Variants in DHX36 observed in about 807,000 individuals in gnomAD.
The protein encoded by DHX36 is DEAH-box helicase 36, also known as ATP-dependent DNA/RNA helicase DHX36.
A neutral mutation model predicts 139.0 loss-of-function variants in DHX36; 50 were observed. That is an observed-to-expected ratio of 0.36 (90% confidence interval 0.29 to 0.46). The LOEUF (loss-of-function observed/expected upper bound fraction) is 0.46, where lower values mean the gene tolerates loss of function less well. Ranked by LOEUF, DHX36 falls within the 20% of genes least tolerant of loss-of-function variation. DHX36 has a pLI of 1.00. For synonymous variants in DHX36, 425 were observed against 401.9 expected (o/e 1.06, Z -0.69); for missense variants, 1,024 against 1,211.3 (o/e 0.85, Z 2.29).
rs1437323631 is a variant in DHX36, at chr3:154,283,349, TA to T, written c.2293-79del. 6.2e-6 allele frequency: 6 copies of T among 967,172 alleles called. No homozygotes were observed. The African/African-American group carries it at 9.8e-5, about 16-fold the overall frequency. 59.9% of individuals were successfully genotyped at this position (967,172 alleles called of 1,614,324 possible). A position where few individuals can be genotyped will look rare whatever the true frequency, so the allele number is the denominator to read the frequency against. On this transcript the variant is annotated intron_variant, in intron 19 of 24. Coordinates refer to ENST00000496811, the MANE Select transcript of DHX36 (RefSeq NM_020865.3). ...CTACTGGTTTCCCTCTTTACTTTAG[TA>T]AAAGCTTAATATTCTACTAATATTT...
intron 17 of DHX36, 57 bp from the exon 18 acceptor site, chr3:154,285,044 G>T (rs986380810): frequency 5.2e-6 from 8 of 1,553,286 alleles, no homozygotes; most frequent in African/African-American, 2.7e-5. Flanking sequence ...CATTTAAAAC[G>T]ATTTTAGCTT....
intron 12 of DHX36, among the ~76,000 whole-genome samples, chr3:154,297,141 C>G (rs1712076320): frequency 6.6e-6 from 1 of 152,114 alleles, no homozygotes; most frequent in Non-Finnish European, 1.5e-5. Context: ...GAGCAATGTT[C>G]TAGAGCTAGA....
intron 11 of DHX36, 112 bp downstream of exon 11, chr3:154,300,482 T>C (rs1252353641): frequency 1.2e-6 from 1 of 814,596 alleles, no homozygotes; most frequent in East Asian, 2.6e-5. Context: ...GTATCAAAAG[T>C]AATTTCTTCC....
chr3:154,296,102 T>C (rs1712035452), intron 12 of DHX36, among the ~76,000 whole-genome samples: 2 of 152,280 alleles, frequency 1.3e-5, no homozygotes, highest in Admixed American at 1.3e-4. Context: ...AAACCGATAA[T>C]ATCTAAATTT....
At chr3:154,321,217 T>C (rs1164949963) in intron 1 of DHX36, among the ~76,000 whole-genome samples, 1 of 152,212 alleles carries the variant, frequency 6.6e-6, no homozygotes, top group Non-Finnish European at 1.5e-5. Context: ...TTGGGCAAAG[T>C]GGCCAACAAG....
intron 1 of DHX36, among the ~76,000 whole-genome samples, chr3:154,317,628 GT>G (rs1713034782): frequency 6.6e-6 from 1 of 152,016 alleles, no homozygotes; most frequent in Non-Finnish European, 1.5e-5. Context: ...TAAAATGGAC[GT>G]AAGTAAGGCA....
chr3:154,290,671 A>G (rs1711757749), intron 15 of DHX36, among the ~76,000 whole-genome samples: 1 of 151,004 alleles, frequency 6.6e-6, no homozygotes, highest in African/African-American at 2.4e-5. Context: ...TGAAGAGGTG[A>G]CCATATTCAT....
intron 6 of DHX36, 116 bp downstream of exon 6, chr3:154,306,100 G>T: frequency 1.4e-6 from 1 of 730,238 alleles, no homozygotes; most frequent in Non-Finnish European, 2.3e-6. Context: ...TACTTTAAAT[G>T]GTAATTGTAA....
chr3:154,322,520 G>C (rs973062006), intron 1 of DHX36, among the ~76,000 whole-genome samples: 1 of 152,192 alleles, frequency 6.6e-6, no homozygotes, highest in African/African-American at 2.4e-5. Flanking sequence ...ACAAGGCAGA[G>C]ATTTGCTGAA....
intron 15 of DHX36, among the ~76,000 whole-genome samples, chr3:154,291,459 G>A (rs923062433): frequency 6.6e-6 from 1 of 152,168 alleles, no homozygotes; most frequent in Admixed American, 6.5e-5. Flanking sequence ...GAGGTGATGG[G>A]TCTACATGGG....
chr3:154,319,114 G>A (rs974960914), intron 1 of DHX36: 1 of 152,118 alleles, frequency 6.6e-6, no homozygotes, highest in African/African-American at 2.4e-5. Context: ...CCTTTTTGTA[G>A]GATGCCTCTC....
chr3:154,320,651 T>G (rs1045654367), intron 1 of DHX36, among the ~76,000 whole-genome samples: 1 of 152,202 alleles, frequency 6.6e-6, no homozygotes, highest in African/African-American at 2.4e-5. Context: ...ACAAGCCTGA[T>G]CCTTACAGAT....
chr3:154,316,288 T>G, intron 1 of DHX36, 125 bp from the exon 2 acceptor site: 1 of 1,228,216 alleles, frequency 8.1e-7, no homozygotes, highest in African/African-American at 1.5e-5. Context: ...AAGAAAGTTA[T>G]CCACAGGTGT....
In DHX36 at chr3:154,309,640, A is replaced by C. The variant is rs1409045797; in HGVS notation, c.813+13T>G. The C allele has an allele frequency of 1.3e-6, 2 of 1,588,774 alleles. No individual in the cohort carries two copies. The highest frequency in any genetic ancestry group is 1.7e-6 in the Non-Finnish European group (2 of 1,170,364). On this transcript the variant is annotated intron_variant, in intron 5 of 24. Transcript: ENST00000496811. Reference sequence around the variant, plus strand: ...TAAAAAGACAATTTTTAATAAGTTAAGAGATTACTTACTGAAATGGCACTA... The same window carrying C: ...TAAAAAGACAATTTTTAATAAGTTACGAGATTACTTACTGAAATGGCACTA...
intron 9 of DHX36, 136 bp downstream of exon 9, chr3:154,303,193 G>A (rs112535290): frequency 0.027 from 17,054 of 629,116 alleles, 352 homozygotes; most frequent in Non-Finnish European, 0.039. Context: ...TTAATGTGCA[G>A]CCAAGTGTGG....
At chr3:154,293,223 C>G (rs113954519) in intron 14 of DHX36, among the ~76,000 whole-genome samples, 313 of 152,204 alleles carry the variant, frequency 2.1e-3, no homozygotes, top group African/African-American at 7.2e-3. Flanking sequence ...GAAAACAAAA[C>G]AAACAAAAAC....
chr3:154,284,544 T>C (rs1405316693), intron 19 of DHX36, 39 bp downstream of exon 19: 3 of 1,468,338 alleles, frequency 2.0e-6, no homozygotes, highest in Non-Finnish European at 2.8e-6. Context: ...TTCATTTGAA[T>C]AAACTATCAT....
intron 9 of DHX36, 146 bp from the exon 10 acceptor site, chr3:154,301,273 C>T: frequency 1.3e-6 from 1 of 783,778 alleles, no homozygotes; most frequent in Non-Finnish European, 2.0e-6. Flanking sequence ...GCTAAAATAT[C>T]AGTTTGTGTT....
chr3:154,292,782 TA>T, intron 14 of DHX36, 88 bp from the exon 15 acceptor site: 3 of 1,504,706 alleles, frequency 2.0e-6, no homozygotes, highest in Non-Finnish European at 2.6e-6. Flanking sequence ...TATTAACCTA[TA>T]AAAGACCAAT....
Sources: gnomAD v4.1 joint callset for allele counts (sites outside exome capture counted in the v4.1 genomes callset) on GRCh38, gnomAD v4.1.1 for gene constraint, MANE v1.5 for transcripts, NCBI Gene and HGNC (gene_info 2026-07-23, HGNC 2026-07-21) for gene names.